Variants in COMMD6 observed in about 807,000 individuals in gnomAD.
COMMD6 encodes COMM domain-containing protein 6.
COMMD6 carries 11 observed loss-of-function variants against 13.4 expected under a neutral mutation model. The ratio of observed to expected loss-of-function variants is 0.82; its 90% CI spans 0.52 to 1.36. COMMD6 has a LOEUF of 1.36. Ranked by LOEUF, COMMD6 falls within the 40% of genes most tolerant of loss-of-function variation. The pLI, the probability that COMMD6 is intolerant of heterozygous loss-of-function variation, is 0.00. For missense variants in COMMD6, 124 were observed against 102.4 expected (o/e 1.21, Z -0.91); for synonymous variants, 43 against 36.5 (o/e 1.18, Z -0.64).
At chr13:75,544,121 G>C (rs549221839) in intron 1 of COMMD6, among the ~76,000 whole-genome samples, 2 of 152,012 alleles carry the variant, frequency 1.3e-5, no homozygotes, top group African/African-American at 2.4e-5. Context: ...GTGGTGGGTG[G>C]GGGGGAGGTG....
intron 3 of COMMD6, among the ~76,000 whole-genome samples, chr13:75,527,010 G>A (rs2030287365): frequency 6.6e-6 from 1 of 152,210 alleles, no homozygotes; most frequent in African/African-American, 2.4e-5. Flanking sequence ...GCATTTCAGT[G>A]TGGTAAGGGC....
At chr13:75,526,720 G>A (rs567608733) in intron 3 of COMMD6, 81 bp from the exon 4 acceptor site, 40 of 926,258 alleles carry the variant, frequency 4.3e-5, no homozygotes, top group South Asian at 1.8e-4. Flanking sequence ...TCTGACTACC[G>A]GAGACTATAT....
chr13:75,528,001 GCACACACACACA>G (rs57959582), intron 3 of COMMD6: 6,568 of 287,716 alleles, frequency 0.023, 428 homozygotes, highest in African/African-American at 0.14. Context: ...CATGCCCTCA[GCACACACACACA>G]CACACACACA....
chr13:75,526,727 A>G (rs1231960853), intron 3 of COMMD6, 88 bp from the exon 4 acceptor site: 3 of 791,378 alleles, frequency 3.8e-6, no homozygotes, highest in African/African-American at 3.5e-5. Flanking sequence ...ACCGGAGACT[A>G]TATAACATAT....
At chr13:75,548,721 A>C (rs570620677) in intron 1 of COMMD6, among the ~76,000 whole-genome samples, 1 of 152,322 alleles carries the variant, frequency 6.6e-6, no homozygotes, top group East Asian at 1.9e-4. Flanking sequence ...TCTATGTATC[A>C]TGCACTGGGT....
At chr13:75,528,571 G>A (rs9543959) in intron 3 of COMMD6, among the ~76,000 whole-genome samples, 116,993 of 152,126 alleles carry the variant, frequency 0.77, 45,257 homozygotes, top group African/African-American at 0.85. Context: ...ACTTTGGGAG[G>A]CTAAAGTGGA....
intron 3 of COMMD6, among the ~76,000 whole-genome samples, chr13:75,528,524 C>G (rs1471361810): frequency 6.6e-6 from 1 of 151,974 alleles, no homozygotes; most frequent in African/African-American, 2.4e-5. Flanking sequence ...ATAAAGAAAT[C>G]AGGCTGAGCA....
At chr13:75,527,815 A>T in intron 3 of COMMD6, 1 of 1,506,074 alleles carries the variant, frequency 6.6e-7, no homozygotes, top group Non-Finnish European at 8.9e-7. Flanking sequence ...AAACTCACAG[A>T]AGCAGAAAGG....
upstream of COMMD6, among the ~76,000 whole-genome samples, chr13:75,538,195 C>T (rs1347433902): frequency 2.0e-5 from 3 of 152,206 alleles, no homozygotes; most frequent in Admixed American, 6.5e-5. Context: ...ACCGCACCCC[C>T]GGCACATGGG....
At chr13:75,538,987 G>T (rs2030773877), upstream of COMMD6, among the ~76,000 whole-genome samples, 2 of 152,112 alleles carry the variant, frequency 1.3e-5, no homozygotes. Flanking sequence ...CTTTTAGATG[G>T]GGACTCCCAG....
At chr13:75,545,864 T>G (rs1269179732) in intron 1 of COMMD6, among the ~76,000 whole-genome samples, 1 of 152,244 alleles carries the variant, frequency 6.6e-6, no homozygotes, top group Non-Finnish European at 1.5e-5. Context: ...ATAGCTCTTC[T>G]ACACTTCTAT....
chr13:75,545,102 T>G (rs2030887392), intron 1 of COMMD6, among the ~76,000 whole-genome samples: 1 of 152,198 alleles, frequency 6.6e-6, no homozygotes, highest in Admixed American at 6.5e-5. Flanking sequence ...AGGCCACGTT[T>G]AGGAATGATA....
intron 1 of COMMD6, among the ~76,000 whole-genome samples, chr13:75,544,836 GA>G (rs1330627036): frequency 6.8e-6 from 1 of 147,444 alleles, no homozygotes; most frequent in Non-Finnish European, 1.5e-5. Context: ...TGAGGCACTA[GA>G]ATTGCTTGAA....
At chr13:75,546,993 A>T (rs980045615) in intron 1 of COMMD6, among the ~76,000 whole-genome samples, 3 of 151,992 alleles carry the variant, frequency 2.0e-5, no homozygotes, top group African/African-American at 7.2e-5. Flanking sequence ...ATTTCTGTTT[A>T]AAAACACCTT....
upstream of COMMD6, among the ~76,000 whole-genome samples, chr13:75,540,353 CACACACACACACACACACAG>C (rs1379812795): frequency 1.5e-4 from 22 of 150,988 alleles, no homozygotes; most frequent in African/African-American, 4.9e-4. Flanking sequence ...CCCACACACA[CACACACACACACACACACAG>C]ACACACACCC....
At chr13:75,544,940 A>AAAAAAAC (rs1223455002) in intron 1 of COMMD6, among the ~76,000 whole-genome samples, 1 of 151,098 alleles carries the variant, frequency 6.6e-6, no homozygotes, top group Non-Finnish European at 1.5e-5. Flanking sequence ...AAAAAAAAAA[A>AAAAAAAC]AACAAAAAAC....
upstream of COMMD6, chr13:75,537,948 T>G: frequency 1.3e-6 from 1 of 759,916 alleles, no homozygotes; most frequent in South Asian, 1.9e-5. Context: ...ATGTGACTCA[T>G]ATTTTTTCTT....
At chr13:75,531,949 A>C (rs148349550) in intron 2 of COMMD6, among the ~76,000 whole-genome samples, 1 of 152,354 alleles carries the variant, frequency 6.6e-6, no homozygotes, top group East Asian at 1.9e-4. Flanking sequence ...TGAAAACCCA[A>C]ATGTTCAACA....
chr13:75,542,290 CTTTT>C (rs59815923), upstream of COMMD6, among the ~76,000 whole-genome samples: 2 of 138,112 alleles, frequency 1.4e-5, no homozygotes, highest in African/African-American at 2.6e-5. Context: ...TCTTTCTTTC[CTTTT>C]TTTTTTTTTT....
Sources: allele counts gnomAD v4.1 joint callset (sites outside exome capture counted in the v4.1 genomes callset), GRCh38; gene constraint gnomAD v4.1.1; transcripts MANE v1.5; gene names NCBI Gene and HGNC (gene_info 2026-07-23, HGNC 2026-07-21).